BRAF: variants seen among roughly 807,000 people sequenced by gnomAD.
BRAF encodes serine/threonine-protein kinase B-raf.
A neutral mutation model predicts 104.6 loss-of-function variants in BRAF; 16 were observed. The observed-to-expected ratio is 0.15, with a 90% CI of 0.10 to 0.23. The LOEUF is 0.23. Ranked by LOEUF, BRAF falls within the 10% of genes least tolerant of loss-of-function variation. The probability of loss-of-function intolerance (pLI) is 1.00; values close to 1 mark genes in which losing one functional copy is unlikely to be tolerated. For synonymous variants in BRAF, 310 were observed against 341.6 expected (o/e 0.91, Z 1.02); for missense variants, 541 against 937.3 (o/e 0.58, Z 5.52).
In BRAF at chr7:140,726,164, T is replaced by A; in HGVS notation, c.*330A>T. The A allele has an allele frequency of 1.7e-6, 2 of 1,149,556 alleles. No homozygotes were observed. Among genetic ancestry groups the A allele is most frequent in the Non-Finnish European group, 2.1e-6 (2 of 934,496 alleles). The allele number at this position is 1,149,556 out of a possible 1,614,324, so 71.2% of individuals were successfully genotyped here. ...ACTGGCAGACTTTCCATAGCAAATCTCCCAAGCTGTAGCAGCAGTTTCTTT... is the reference window on the plus strand; with the variant it reads ...ACTGGCAGACTTTCCATAGCAAATCACCCAAGCTGTAGCAGCAGTTTCTTT... On this transcript the variant is annotated 3_prime_UTR_variant, in exon 20 of 20. Coordinates refer to ENST00000644969, the MANE Select transcript of BRAF (RefSeq NM_001374258.1).
chr7:140,847,062 G>T (rs1808635789), intron 2 of BRAF, among the ~76,000 whole-genome samples: 1 of 152,072 alleles, frequency 6.6e-6, no homozygotes, highest in East Asian at 1.9e-4. Context: ...GGCTGACGCA[G>T]GAGAATCACT....
chr7:140,864,578 A>G (rs1039200565), intron 1 of BRAF, among the ~76,000 whole-genome samples: 1 of 152,186 alleles, frequency 6.6e-6, no homozygotes, highest in African/African-American at 2.4e-5. Context: ...GATCATAAAC[A>G]TTTACAAGAG....
At chr7:140,858,084 T>C (rs1810003232) in intron 1 of BRAF, among the ~76,000 whole-genome samples, 1 of 152,146 alleles carries the variant, frequency 6.6e-6, no homozygotes, top group Non-Finnish European at 1.5e-5. Flanking sequence ...CAGGAAAGGA[T>C]CAAATGATGC....
intron 3 of BRAF, chr7:140,823,716 GT>G (rs1415114455): frequency 1.3e-5 from 2 of 152,098 alleles, no homozygotes; most frequent in Admixed American, 6.5e-5. Context: ...TCTATTTTTA[GT>G]TTTTTGAGGA....
intron 1 of BRAF, chr7:140,884,156 T>A (rs181593605): frequency 2.0e-5 from 3 of 152,152 alleles, no homozygotes; most frequent in Admixed American, 2.0e-4. Context: ...GGCATGCAAA[T>A]TCATGAAGCA....
chr7:140,877,401 C>G (rs1319340963), intron 1 of BRAF, among the ~76,000 whole-genome samples: 2 of 151,784 alleles, frequency 1.3e-5, no homozygotes, highest in African/African-American at 4.8e-5. Flanking sequence ...AGGCATGTGC[C>G]ACCAAGCCCT....
chr7:140,721,277 C>T lies in BRAF; in HGVS notation c.*5217G>A, dbSNP rs890710499. On this transcript the variant is annotated 3_prime_UTR_variant, in exon 20 of 20. Coordinates refer to ENST00000644969, the MANE Select transcript of BRAF (RefSeq NM_001374258.1). The stretch of plus-strand genomic sequence containing the variant: ...GTACTTTAGTCACTCATTGAGTTGC[C>T]GACTAATTGCCCCATGCATTTTTTT... 1.6e-5 allele frequency: 18 copies of T among 1,138,032 alleles called. No homozygotes were observed. Among genetic ancestry groups the T allele is most frequent in the South Asian group, 1.3e-4 (3 of 22,708 alleles). 70.5% of individuals were successfully genotyped at this position (1,138,032 alleles called of 1,614,324 possible).
In BRAF at chr7:140,808,969, G is replaced by A. The variant is rs1319891257; in HGVS notation, c.531C>T (p.Val177=). The change falls in exon 4 of 20, where the codon GTC becomes GTT. Residue 177 remains valine (V), a synonymous_variant. Transcript: ENST00000644969. ...TVVPARCGVT[V]RDSLKKALMM... is the part of the protein sequence containing the mutation. ...TCAGTGCTTTCTTTAGACTGTCTCG[G>A]ACTGTAACTCCACACCTTGCAGGTA... The A allele has an allele frequency of 1.2e-6, 2 of 1,612,898 alleles. No homozygotes were observed. The highest frequency in any genetic ancestry group is 1.7e-5 in the Admixed American group (1 of 59,980).
At chr7:140,854,900 G>A (rs1809605905) in intron 1 of BRAF, among the ~76,000 whole-genome samples, 1 of 152,082 alleles carries the variant, frequency 6.6e-6, no homozygotes, top group Non-Finnish European at 1.5e-5. Context: ...AGCCGAGACT[G>A]CGCCACTGCA....
chr7:140,862,862 T>A (rs1414164026), intron 1 of BRAF, among the ~76,000 whole-genome samples: 1 of 152,204 alleles, frequency 6.6e-6, no homozygotes, highest in African/African-American at 2.4e-5. Flanking sequence ...GTATGGTATA[T>A]GAATTATGCC....
intron 17 of BRAF, among the ~76,000 whole-genome samples, chr7:140,743,594 G>A (rs1797110847): frequency 6.6e-6 from 1 of 152,040 alleles, no homozygotes; most frequent in Admixed American, 6.5e-5. Context: ...GAGTGGGGAG[G>A]GATAGCATTA....
chr7:140,877,443 GA>G (rs1247691007), intron 1 of BRAF, among the ~76,000 whole-genome samples: 1 of 151,478 alleles, frequency 6.6e-6, no homozygotes, highest in Non-Finnish European at 1.5e-5. Flanking sequence ...TATCAGCAAA[GA>G]AAAACAGTTG....
At chr7:140,713,751 G>A in the BRAF span, among the ~76,000 whole-genome samples, 10 of 152,134 alleles carry the variant, frequency 6.6e-5, no homozygotes, top group South Asian at 6.2e-4. Context: ...ATCTACCTTT[G>A]GTCTTTGATG....
At position 140,719,647 on chromosome 7, in the gene BRAF, AC is replaced by A. The variant is rs1795228602; in HGVS notation, c.*6846del. Reference sequence around the variant, plus strand: ...AAAAAATAATAAAAGATTCAAGCAAACATTGAGAATAGGGGAAAAGAGGGAG... The same window carrying A: ...AAAAAATAATAAAAGATTCAAGCAAAATTGAGAATAGGGGAAAAGAGGGAG... On this transcript the variant is annotated 3_prime_UTR_variant, in exon 20 of 20. Transcript: ENST00000644969. 9.4e-7 allele frequency: 1 copy of A among 1,062,900 alleles called. No individual in the cohort carries two copies. Among genetic ancestry groups the A allele is most frequent in the African/African-American group, 1.6e-5 (1 of 61,010 alleles). 65.8% of individuals were successfully genotyped at this position (1,062,900 alleles called of 1,614,324 possible). A position where few individuals can be genotyped will look rare whatever the true frequency, so the allele number is the denominator to read the frequency against.
In BRAF at chr7:140,833,659, C is replaced by T. The variant is rs1481910573; in HGVS notation, c.504+950G>A. 2.6e-5 allele frequency among the ~76,000 whole-genome samples: 4 copies of T among 152,166 alleles called. No homozygotes were observed. The East Asian group carries it at 7.7e-4, about 29-fold the overall frequency. ...AAAAATTAGAGTCTATTTTTTACAA[C>T]CAACTTTTGTCTGTACATGGAAAAA... On this transcript the variant is annotated intron_variant, in intron 3 of 19. Transcript: ENST00000644969.
chr7:140,903,018 G>A (rs761679994), intron 1 of BRAF, among the ~76,000 whole-genome samples: 76 of 149,002 alleles, frequency 5.1e-4, no homozygotes, highest in Middle Eastern at 3.5e-3. Context: ...TCTGCCTCCC[G>A]GGTTCAAGCG....
chr7:140,787,726 T>C (rs1801538359), intron 8 of BRAF, 142 bp from the exon 9 acceptor site: 4 of 732,530 alleles, frequency 5.5e-6, no homozygotes, highest in South Asian at 1.9e-5. Context: ...ACAAAACAAT[T>C]TGGAATTATC....
At chr7:140,808,761 T>C (rs548029525) in intron 4 of BRAF, 131 bp downstream of exon 4, 7 of 737,560 alleles carry the variant, frequency 9.5e-6, no homozygotes, top group Non-Finnish European at 1.7e-5. Flanking sequence ...GCTAACTTAG[T>C]ATTATTTTAA....
At chr7:140,763,287 T>TG (rs1221568443) in intron 14 of BRAF, among the ~76,000 whole-genome samples, 8 of 148,150 alleles carry the variant, frequency 5.4e-5, no homozygotes, top group Admixed American at 1.3e-4. Context: ...GGCGGGGGGC[T>TG]GACCCCCCCC....
Sources: allele counts gnomAD v4.1 joint callset (sites outside exome capture counted in the v4.1 genomes callset), GRCh38; gene constraint gnomAD v4.1.1; transcripts MANE v1.5; gene names NCBI Gene and HGNC (gene_info 2026-07-23, HGNC 2026-07-21).